The following NFIA variants were observed in gnomAD, a reference collection of about 807,000 sequenced individuals.
NFIA encodes nuclear factor I A.
A neutral mutation model predicts 62.8 loss-of-function variants in NFIA; 8 were observed. The ratio of observed to expected loss-of-function variants is 0.13; its 90% CI spans 0.07 to 0.23. The LOEUF (loss-of-function observed/expected upper bound fraction) is 0.23, where lower values mean the gene tolerates loss of function less well. NFIA is among the 10% of genes least tolerant of loss of function. The pLI is 1.00. For missense variants in NFIA, 410 were observed against 642.1 expected (o/e 0.64, Z 3.91); for synonymous variants, 235 against 238.1 (o/e 0.99, Z 0.12).
intron 2 of NFIA, among the ~76,000 whole-genome samples, chr1:61,176,643 AC>A (rs1419827342): frequency 1.3e-5 from 2 of 152,068 alleles, no homozygotes; most frequent in African/African-American, 2.4e-5. Context: ...AAAAAGAAAA[AC>A]TACATAGATG....
chr1:61,439,228 A>T (rs905248287), intron 10 of NFIA, among the ~76,000 whole-genome samples: 1 of 152,048 alleles, frequency 6.6e-6, no homozygotes, highest in Non-Finnish European at 1.5e-5. Flanking sequence ...CTGCATCAAG[A>T]CCCAGATCAA....
intron 2 of NFIA, among the ~76,000 whole-genome samples, chr1:61,259,067 T>C (rs566652273): frequency 6.6e-6 from 1 of 152,314 alleles, no homozygotes; most frequent in Admixed American, 6.5e-5. Context: ...TTGCAAAGAA[T>C]TGTGAAAACT....
chr1:61,110,837 C>A (rs960345589), intron 2 of NFIA, among the ~76,000 whole-genome samples: 73 of 151,820 alleles, frequency 4.8e-4, no homozygotes, highest in African/African-American at 9.4e-4. Context: ...TTAAAATTGG[C>A]AAAAACCAAA....
chr1:61,163,912 C>G (rs1649391927), intron 2 of NFIA, among the ~76,000 whole-genome samples: 1 of 152,142 alleles, frequency 6.6e-6, no homozygotes, highest in South Asian at 2.1e-4. Context: ...TTGGCTCTAG[C>G]CAATTGGTGC....
At chr1:61,330,087 A>G (rs942027656) in intron 3 of NFIA, among the ~76,000 whole-genome samples, 10 of 152,214 alleles carry the variant, frequency 6.6e-5, no homozygotes, top group African/African-American at 2.2e-4. Context: ...TATGGAATTC[A>G]AAAGAGTAAG....
chr1:61,105,641 A>G (rs563841842), intron 2 of NFIA, among the ~76,000 whole-genome samples: 4 of 151,926 alleles, frequency 2.6e-5, no homozygotes, highest in Admixed American at 6.6e-5. Context: ...GAGTAACTTT[A>G]TATCAGTGAG....
chr1:61,084,070 A>G (rs961774998), intron 1 of NFIA, among the ~76,000 whole-genome samples: 3 of 152,108 alleles, frequency 2.0e-5, no homozygotes, highest in East Asian at 1.9e-4. Flanking sequence ...CTGCTTTGGT[A>G]CATTAGGATC....
intron 10 of NFIA, among the ~76,000 whole-genome samples, chr1:61,429,284 G>A (rs1426032238): frequency 1.3e-5 from 2 of 152,158 alleles, no homozygotes; most frequent in Non-Finnish European, 1.5e-5. Flanking sequence ...TCACCTAATA[G>A]GATAGAGCTC....
intron 3 of NFIA, among the ~76,000 whole-genome samples, chr1:61,332,029 A>C (rs1376813190): frequency 1.3e-5 from 2 of 152,226 alleles, no homozygotes; most frequent in East Asian, 3.8e-4. Flanking sequence ...CTTTTTAAAA[A>C]TTCACCCTGT....
chr1:61,425,390 A>T (rs1666820602), intron 9 of NFIA, among the ~76,000 whole-genome samples: 1 of 152,196 alleles, frequency 6.6e-6, no homozygotes, highest in South Asian at 2.1e-4. Flanking sequence ...AAAAAGTTGC[A>T]TATCCTGATT....
chr1:61,308,153 GA>G (rs1659902482), intron 3 of NFIA, among the ~76,000 whole-genome samples: 1 of 152,182 alleles, frequency 6.6e-6, no homozygotes, highest in Non-Finnish European at 1.5e-5. Flanking sequence ...TTTTAAGCTG[GA>G]AAAATGCAGT....
intron 10 of NFIA, among the ~76,000 whole-genome samples, chr1:61,449,578 C>T (rs1007066392): frequency 2.0e-5 from 3 of 152,142 alleles, no homozygotes; most frequent in Non-Finnish European, 2.9e-5. Context: ...AGCCTGTGCC[C>T]AGGCCTGGCA....
At chr1:61,102,654 A>C (rs944142490) in intron 2 of NFIA, among the ~76,000 whole-genome samples, 2 of 152,182 alleles carry the variant, frequency 1.3e-5, no homozygotes, top group Non-Finnish European at 2.9e-5. Flanking sequence ...TATATTTTTA[A>C]ATATTTCAGG....
chr1:61,227,331 T>C (rs1393538354), intron 2 of NFIA, among the ~76,000 whole-genome samples: 3 of 151,742 alleles, frequency 2.0e-5, no homozygotes, highest in African/African-American at 7.3e-5. Context: ...TAGAAATTGG[T>C]TGAGCTGTTT....
chr1:61,357,597 C>G (rs532615023), intron 5 of NFIA, among the ~76,000 whole-genome samples: 2 of 152,298 alleles, frequency 1.3e-5, no homozygotes, highest in African/African-American at 4.8e-5. Flanking sequence ...GAACCCCTGG[C>G]TCATCACTGT....
chr1:61,090,904 G>C (rs1252045347), intron 2 of NFIA, among the ~76,000 whole-genome samples: 3 of 152,188 alleles, frequency 2.0e-5, no homozygotes, highest in Non-Finnish European at 4.4e-5. Context: ...TCAGAGACCT[G>C]TTATTTGTGG....
chr1:61,113,747 A>T lies in NFIA; in HGVS notation c.559+25067A>T, dbSNP rs953212308. On this transcript the variant is annotated intron_variant, in intron 2 of 10. Coordinates refer to ENST00000403491, the MANE Select transcript of NFIA (RefSeq NM_001134673.4). ...GGAAATGAGAGAATGAGCAGAGGCC[A>T]TGGTGGAGAGAAGAGTTGGAGAGCA... is the stretch of plus-strand genomic sequence containing the variant. Among the ~76,000 whole-genome samples the T allele has an allele frequency of 1.3e-4, 4 of 29,940 alleles. No homozygotes were observed. In the Admixed American group the frequency reaches 1.9e-3, roughly 15 times the overall value. The allele number at this position is 29,940 out of a possible 152,430, so 19.6% of individuals were successfully genotyped here. A position where few individuals can be genotyped will look rare whatever the true frequency, so the allele number is the denominator to read the frequency against.
At chr1:61,200,004 A>ATATATG (rs1652314659) in intron 2 of NFIA, among the ~76,000 whole-genome samples, 1 of 70,512 alleles carries the variant, frequency 1.4e-5, no homozygotes, top group African/African-American at 5.7e-5. Flanking sequence ...CACAAAATAT[A>ATATATG]TATATGTATA....
intron 2 of NFIA, among the ~76,000 whole-genome samples, chr1:61,147,443 G>A (rs1324714138): frequency 6.6e-6 from 1 of 152,182 alleles, no homozygotes; most frequent in Admixed American, 6.5e-5. Flanking sequence ...GAGCCACTGC[G>A]CCTGACCTGA....
Sources: allele counts gnomAD v4.1 joint callset (sites outside exome capture counted in the v4.1 genomes callset), GRCh38; gene constraint gnomAD v4.1.1; transcripts MANE v1.5; gene names NCBI Gene and HGNC (gene_info 2026-07-23, HGNC 2026-07-21).